The following ITGA3 variants were observed in gnomAD, a reference collection of about 807,000 sequenced individuals.
ITGA3 encodes integrin alpha-3.
A neutral mutation model predicts 131.1 loss-of-function variants in ITGA3; 70 were observed. The observed-to-expected ratio is 0.53, with a 90% CI of 0.44 to 0.65. The LOEUF (loss-of-function observed/expected upper bound fraction) is 0.65. Among genes scored for constraint, ITGA3 ranks in the 30% least tolerant of loss-of-function variants. ITGA3 has a pLI of 0.00. For synonymous variants in ITGA3, 537 were observed against 571.6 expected, an observed-to-expected ratio of 0.94 and a Z score of 0.86; for missense variants, 1,098 against 1,388.6, an observed-to-expected ratio of 0.79 and a Z score of 3.33.
chr17:50,079,002 G>C (rs896580805), intron 19 of ITGA3, 74 bp from the exon 20 acceptor site: 1 of 1,512,076 alleles, frequency 6.6e-7, no homozygotes, highest in Non-Finnish European at 9.2e-7. Context: ...GTCTGAAGGT[G>C]GGAGGGTTGG....
At position 50,078,060 on chromosome 17, in the gene ITGA3, C is replaced by T. The variant is rs998092599; in HGVS notation, c.2154C>T (p.Ile718=). Residue 718 remains isoleucine (I), a synonymous_variant, in exon 17 of 26, where the codon ATC becomes ATT. Transcript: ENST00000320031. ...FKRNQRMELL[I]AFEVIGVTLH... ...CCTTGTGGCAGATGGAGCTGCTCAT[C>T]GCCTTTGAGGTCATCGGGGTGACCC... The T allele has an allele frequency of 5.0e-6, 8 of 1,611,834 alleles. No individual in the cohort carries two copies. The highest frequency in any genetic ancestry group is 1.7e-4 in the Middle Eastern group (1 of 6,050).
In ITGA3 at chr17:50,078,817, C is replaced by G; in HGVS notation, c.2298-7C>G. 6.3e-7 allele frequency: 1 copy of G among 1,577,466 alleles called. No homozygotes were observed. Among genetic ancestry groups the G allele is most frequent in the Non-Finnish European group, 8.7e-7 (1 of 1,146,742 alleles). ...CCCCGTGACTCCAGCATCCTTCTTA[C>G]CCCTAGGGTAAATCACCGGCTACAA... On this transcript the variant is annotated splice_region_variant and splice_polypyrimidine_tract_variant and intron_variant, in intron 18 of 25. Transcript: ENST00000320031.
intron 15 of ITGA3, 77 bp from the exon 16 acceptor site, chr17:50,077,302 C>T (rs1908961696): frequency 4.3e-6 from 6 of 1,406,702 alleles, no homozygotes; most frequent in Non-Finnish European, 6.0e-6. Context: ...TCTAGGGCTT[C>T]TGACCTTGCA....
chr17:50,073,593 AACACACACACACACACACAC>A (rs71146961), intron 7 of ITGA3, among the ~76,000 whole-genome samples: 1 of 144,158 alleles, frequency 6.9e-6, no homozygotes, highest in Non-Finnish European at 1.5e-5. Flanking sequence ...ACTGTCTATA[AACACACACACACACACACAC>A]ACACACACAC....
chr17:50,077,092 C>T lies in ITGA3; in HGVS notation c.2041C>T (p.Pro681Ser). 6.3e-7 allele frequency: 1 copy of T among 1,577,442 alleles called. No individual in the cohort carries two copies. ...HEALLTLVVP[P>S]ALLLSSVRPP... ...GGCGCTGCTCACCCTGGTGGTGCCT[C>T]CCGCCCTGCTGCTGTCCTCAGTGCG... The change falls in exon 15 of 26, where the codon CCC (proline) becomes TCC (serine). Residue 681 changes from proline (P) to serine (S), a missense_variant. Coordinates refer to ENST00000320031, the MANE Select transcript of ITGA3 (RefSeq NM_002204.4).
Position 50,079,061 on chromosome 17 carries a change from A to G in ITGA3, c.2401-15A>G, listed in dbSNP as rs939119045. The stretch of plus-strand genomic sequence containing the variant: ...TTCCAGGAGATAATGACTATGACAC[A>G]TCTTGTGCCCACAGGTGGGCCCAAT... On this transcript the variant is annotated splice_polypyrimidine_tract_variant and intron_variant, in intron 19 of 25. Transcript: ENST00000320031. 14 of 1,611,272 alleles carry G rather than the reference A, an allele frequency of 8.7e-6. No individual in the cohort carries two copies. The highest frequency in any genetic ancestry group is 2.7e-5 in the African/African-American group (2 of 74,838).
chr17:50,080,316 GCCC>G lies in ITGA3; in HGVS notation c.2764_2766del (p.Pro922del). 1 of 1,613,526 alleles carries G rather than the reference GCCC, an allele frequency of 6.2e-7. No homozygotes were observed. Among genetic ancestry groups the G allele is most frequent in the Non-Finnish European group, 8.5e-7 (1 of 1,179,808 alleles). ...GTGGCTAGAGTGCCCCATCCCTGAT[GCCC>G]CCGTTGTCACCAACGTGACTGTGAA... is the stretch of plus-strand genomic sequence containing the variant. On this transcript the variant is annotated inframe_deletion, in exon 22 of 26. Transcript: ENST00000320031.
intron 1 of ITGA3, among the ~76,000 whole-genome samples, chr17:50,060,738 A>G (rs1380239180): frequency 6.6e-6 from 1 of 152,048 alleles, no homozygotes; most frequent in African/African-American, 2.4e-5. Context: ...CCTTGCTCTA[A>G]GAGCTCCATC....
At chr17:50,062,843 G>T (rs115616380) in intron 1 of ITGA3, among the ~76,000 whole-genome samples, 1 of 152,238 alleles carries the variant, frequency 6.6e-6, no homozygotes, top group Admixed American at 6.5e-5. Flanking sequence ...GGGGCCAAAT[G>T]GTGGGGCACC....
rs1215990136 is a variant in ITGA3 at position 50,079,480 on chromosome 17, C to G, written c.2629C>G (p.Leu877Val). The change falls in exon 21 of 26, where the codon CTG (leucine) becomes GTG (valine). Residue 877 changes from leucine to valine, a missense_variant. Leu to Val is a conservative substitution (Grantham distance 32, BLOSUM62 1). Around this residue, in one of 3 missense-constraint regions of ITGA3, gnomAD observed 699 missense variants for 829.2 expected, o/e 0.84. Transcript: ENST00000320031. ...ATCCCCACAGCGCAGGCGGCGACAG[C>G]TGGATCCAGGGGGAGGCCAGGGCCC... ...PSSPQRRRRQ[L>V]DPGGGQGPPP... is the part of the protein sequence containing the mutation. The G allele has an allele frequency of 6.3e-7, 1 of 1,579,452 alleles. No individual in the cohort carries two copies. The highest frequency in any genetic ancestry group is 2.3e-5 in the East Asian group (1 of 44,418).
intron 17 of ITGA3, 25 bp downstream of exon 17, chr17:50,078,150 T>C: frequency 1.2e-6 from 2 of 1,613,258 alleles, no homozygotes; most frequent in Non-Finnish European, 1.7e-6. Flanking sequence ...AAAGCCAGTC[T>C]GGGTCAGGGC....
chr17:50,061,590 ACT>A (rs1908079791), intron 1 of ITGA3, among the ~76,000 whole-genome samples: 1 of 151,676 alleles, frequency 6.6e-6, no homozygotes, highest in South Asian at 2.1e-4. Context: ...CTGTAGAGTG[ACT>A]CTAGCTGCCA....
chr17:50,087,916 T>C lies in ITGA3; in HGVS notation c.3045+47T>C. On this transcript the variant is annotated intron_variant, in intron 24 of 25. Transcript: ENST00000320031. ...TGCTCCGGGACCTCCACCAGCACAC[T>C]CACCAGCCCTTCCTCCAACCCACGT... 3 of 1,502,916 alleles carry C rather than the reference T, an allele frequency of 2.0e-6. 1 individual carries two copies. Among genetic ancestry groups the C allele is most frequent in the Non-Finnish European group, 2.7e-6 (3 of 1,116,544 alleles). 93.1% of individuals were successfully genotyped at this position (1,502,916 alleles called of 1,614,324 possible).
intron 4 of ITGA3, among the ~76,000 whole-genome samples, chr17:50,068,848 TTATTTATTTA>T (rs1908470388): frequency 4.2e-5 from 5 of 120,044 alleles, no homozygotes; most frequent in South Asian, 7.8e-4. Context: ...ATTTATTTAT[TTATTTATTTA>T]TTTTTTTGAG....
chr17:50,062,614 G>A (rs542506527), intron 1 of ITGA3, among the ~76,000 whole-genome samples: 31 of 152,324 alleles, frequency 2.0e-4, no homozygotes, highest in African/African-American at 5.3e-4. Flanking sequence ...CCCAGCACCC[G>A]CAGGCAGTAC....
rs1823581161 is a variant in ITGA3 at position 50,076,636 on chromosome 17, A to G, written c.1877A>G (p.Gln626Arg). ...GPDNKCESNL[Q>R]MRAAFVSEQQ... is the part of the protein sequence containing the mutation. ...GACAACAAGTGTGAGAGCAACTTGC[A>G]GATGCGGGCAGCCTTCGTGTCAGAG... Residue 626 changes from glutamine to arginine, a missense_variant, in exon 14 of 26, where the codon CAG becomes CGG. This residue lies in a region of ITGA3 where 699 missense variants were observed against 829.2 expected (regional missense o/e 0.84). Coordinates refer to ENST00000320031, the MANE Select transcript of ITGA3 (RefSeq NM_002204.4). The G allele has an allele frequency of 6.2e-7, 1 of 1,613,478 alleles. No individual in the cohort carries two copies. Among genetic ancestry groups the G allele is most frequent in the African/African-American group, 1.3e-5 (1 of 74,872 alleles).
chr17:50,077,259 G>A (rs1414672447), intron 15 of ITGA3, 120 bp from the exon 16 acceptor site: 2 of 1,300,060 alleles, frequency 1.5e-6, no homozygotes, highest in East Asian at 2.3e-5. Context: ...GGGCCTTAGC[G>A]TCTCTGCTGC....
intron 1 of ITGA3, among the ~76,000 whole-genome samples, chr17:50,057,076 A>G (rs1160444341): frequency 6.6e-6 from 1 of 152,236 alleles, no homozygotes; most frequent in African/African-American, 2.4e-5. Context: ...CCTCGCTGGT[A>G]GTCTGCGGCC....
chr17:50,056,511 G>T lies in ITGA3; in HGVS notation c.72G>T (p.Ala24=), dbSNP rs1271838019. 6.5e-6 allele frequency: 10 copies of T among 1,550,370 alleles called. No homozygotes were observed. In the Admixed American group the frequency reaches 1.4e-4, roughly 21 times the overall value. Residue 24 remains alanine, a synonymous_variant, in exon 1 of 26, where the codon GCG becomes GCT. Coordinates refer to ENST00000320031, the MANE Select transcript of ITGA3 (RefSeq NM_002204.4). The surrounding 1 kb of genome is among the most constrained non-coding windows in gnomAD (Gnocchi z 5.6). ...LMLCALALMV[A]AGGCVVSAFN... ...TCTGTGCGCTCGCCTTGATGGTGGCGGCCGGCGGCTGCGTCGTCTCCGCCT... is the reference window on the plus strand; with the variant it reads ...TCTGTGCGCTCGCCTTGATGGTGGCTGCCGGCGGCTGCGTCGTCTCCGCCT...
Sources: allele counts gnomAD v4.1 joint callset (sites outside exome capture counted in the v4.1 genomes callset), GRCh38; gene constraint gnomAD v4.1.1; regional missense constraint gnomAD v4.1.1; non-coding constraint Gnocchi (gnomAD v3.1); transcripts MANE v1.5; gene names NCBI Gene and HGNC (gene_info 2026-07-23, HGNC 2026-07-21).